Variants in MROH9 observed in about 807,000 individuals in gnomAD.
MROH9 encodes maestro heat-like repeat-containing protein family member 9.
Under a neutral mutation model 98.2 loss-of-function variants are expected in MROH9, and 92 were observed. That is an observed-to-expected ratio of 0.94 (90% confidence interval 0.79 to 1.11). The LOEUF (loss-of-function observed/expected upper bound fraction) is 1.11. MROH9 is among the 50% of genes most tolerant of loss of function. The probability of loss-of-function intolerance (pLI) is 0.00; values close to 1 mark genes in which losing one functional copy is unlikely to be tolerated. For missense variants in MROH9, 1,057 were observed against 1,014.8 expected, an observed-to-expected ratio of 1.04 and a Z score of -0.57; for synonymous variants, 397 against 368.9, an observed-to-expected ratio of 1.08 and a Z score of -0.87.
At chr1:171,054,817 C>G (rs918296122) in intron 20 of MROH9, among the ~76,000 whole-genome samples, 1 of 152,154 alleles carries the variant, frequency 6.6e-6, no homozygotes, top group Non-Finnish European at 1.5e-5. Context: ...CACCTTACTC[C>G]TGCAAGAATG....
intron 8 of MROH9, among the ~76,000 whole-genome samples, chr1:170,975,742 G>A (rs542425047): frequency 6.6e-6 from 1 of 152,138 alleles, no homozygotes; most frequent in Non-Finnish European, 1.5e-5. Flanking sequence ...CTATTATTGT[G>A]TGGGATGCTG....
chr1:170,942,402 CACACA>C (rs1649157206), intron 1 of MROH9, among the ~76,000 whole-genome samples: 1 of 133,622 alleles, frequency 7.5e-6, no homozygotes, highest in African/African-American at 2.6e-5. Flanking sequence ...CACACACACA[CACACA>C]CACCCTCAGA....
chr1:170,952,638 A>G (rs1649601430), intron 3 of MROH9, among the ~76,000 whole-genome samples: 1 of 151,614 alleles, frequency 6.6e-6, no homozygotes, highest in South Asian at 2.1e-4. Context: ...ATTAGGAGAT[A>G]TACCTAATGT....
Position 171,022,364 on chromosome 1 carries a change from T to C in MROH9, c.1909-2031T>C, listed in dbSNP as rs146455108. Among the ~76,000 whole-genome samples, 888 of 152,280 alleles carry C rather than the reference T, an allele frequency of 5.8e-3. 1 individual carries two copies. Among genetic ancestry groups the C allele is most frequent in the Non-Finnish European group, 8.3e-3 (564 of 68,006 alleles). ...AACCAACCCAAATGCCCATCAATGT[T>C]AGACTGGATAAAGAAAATGTGGTAT... is the stretch of plus-strand genomic sequence containing the variant. On this transcript the variant is annotated intron_variant, in intron 17 of 21. Coordinates refer to ENST00000367759, the MANE Select transcript of MROH9 (RefSeq NM_001163629.2).
Position 170,992,310 on chromosome 1 carries a change from C to G in MROH9, c.1175C>G (p.Thr392Ser). 1.9e-6 allele frequency: 3 copies of G among 1,613,112 alleles called. No homozygotes were observed. The highest frequency in any genetic ancestry group is 4.5e-5 in the East Asian group (2 of 44,854). The change falls in exon 12 of 22, where the codon ACC becomes AGC. Residue 392 changes from threonine (T) to serine (S), a missense_variant. By Grantham distance (58) the Thr-to-Ser change is moderately conservative. Transcript: ENST00000367759. ...TEGKRFSLDI[T>S]NLMPLAACQA... ...GGGAAACGTTTCTCTCTTGATATTA[C>G]CAACTTGATGCCTTTGGCGGTAAAT...
rs559946471 is a variant in MROH9 at position 170,954,514 on chromosome 1, C to T, written c.73-3947C>T. ...GCTTTTATTTTCTTTGGATAAATAC[C>T]CATAAATAGGATTGCTGAATCATAT... On this transcript the variant is annotated intron_variant, in intron 3 of 21. Transcript: ENST00000367759. Among the ~76,000 whole-genome samples the T allele has an allele frequency of 2.6e-5, 4 of 151,886 alleles. No homozygotes were observed. The South Asian group carries it at 8.3e-4, about 32-fold the overall frequency.
chr1:170,986,036 G>C (rs879359775), intron 9 of MROH9, among the ~76,000 whole-genome samples: 3 of 151,910 alleles, frequency 2.0e-5, no homozygotes, highest in Non-Finnish European at 4.4e-5. Context: ...ATGTGAGTTT[G>C]TTCAAATTTT....
intron 20 of MROH9, among the ~76,000 whole-genome samples, chr1:171,051,827 A>G (rs766595352): frequency 5.9e-5 from 9 of 152,126 alleles, no homozygotes; most frequent in Non-Finnish European, 1.0e-4. Flanking sequence ...TCTGTTTTGT[A>G]CCCTTGCCAT....
chr1:171,027,252 T>C (rs1652745383), intron 20 of MROH9, among the ~76,000 whole-genome samples: 1 of 152,208 alleles, frequency 6.6e-6, no homozygotes, highest in Non-Finnish European at 1.5e-5. Context: ...CCCCTCCCTT[T>C]GTCCATGTGT....
chr1:170,991,251 G>T (rs1050632594), intron 11 of MROH9, among the ~76,000 whole-genome samples: 8 of 152,108 alleles, frequency 5.3e-5, no homozygotes, highest in African/African-American at 1.7e-4. Flanking sequence ...GATTTGGAGT[G>T]AAACTAAACC....
intron 7 of MROH9, among the ~76,000 whole-genome samples, chr1:170,965,606 G>C (rs1227621272): frequency 6.6e-6 from 1 of 151,956 alleles, no homozygotes; most frequent in African/African-American, 2.4e-5. Flanking sequence ...AAAATAATTT[G>C]AAAGCTGTTA....
At chr1:170,993,600 A>T (rs1373534495) in intron 12 of MROH9, among the ~76,000 whole-genome samples, 1 of 152,194 alleles carries the variant, frequency 6.6e-6, no homozygotes, top group African/African-American at 2.4e-5. Flanking sequence ...AGACGGGAAA[A>T]TTTAACAGGG....
At chr1:170,982,616 A>G (rs1213448064) in intron 8 of MROH9, among the ~76,000 whole-genome samples, 2 of 152,222 alleles carry the variant, frequency 1.3e-5, no homozygotes, top group Non-Finnish European at 2.9e-5. Flanking sequence ...TGGGCTGGGC[A>G]TGGTGGCTCA....
At chr1:170,998,529 T>G in intron 15 of MROH9, 2 of 1,426,828 alleles carry the variant, frequency 1.4e-6, no homozygotes, top group Non-Finnish European at 1.8e-6. Context: ...CAAAAACTAA[T>G]TATTTTTTAG....
intron 16 of MROH9, 119 bp downstream of exon 16, chr1:171,014,373 CAT>C: frequency 1.2e-6 from 1 of 862,672 alleles, no homozygotes; most frequent in Non-Finnish European, 1.7e-6. Flanking sequence ...ATAACTAAAA[CAT>C]ATCAAAGCCT....
At chr1:171,022,356 A>G (rs1355312313) in intron 17 of MROH9, among the ~76,000 whole-genome samples, 1 of 152,216 alleles carries the variant, frequency 6.6e-6, no homozygotes, top group Non-Finnish European at 1.5e-5. Flanking sequence ...CCAAATGCCC[A>G]TCAATGTTAG....
chr1:171,008,445 T>A (rs1400687690), intron 15 of MROH9, among the ~76,000 whole-genome samples: 1 of 152,236 alleles, frequency 6.6e-6, no homozygotes, highest in Non-Finnish European at 1.5e-5. Context: ...GTATGAGATT[T>A]ACATTCAATT....
At chr1:171,011,475 G>T (rs185373601) in intron 15 of MROH9, among the ~76,000 whole-genome samples, 5 of 152,154 alleles carry the variant, frequency 3.3e-5, no homozygotes, top group Admixed American at 6.5e-5. Flanking sequence ...CTATTTCAAT[G>T]ATCTAGTTTT....
intron 2 of MROH9, among the ~76,000 whole-genome samples, chr1:170,946,982 T>G (rs1463199608): frequency 6.6e-6 from 1 of 151,950 alleles, no homozygotes; most frequent in African/African-American, 2.4e-5. Flanking sequence ...TAAATAATAT[T>G]TGATGGTCCT....
Sources: allele counts gnomAD v4.1 joint callset (sites outside exome capture counted in the v4.1 genomes callset), GRCh38; gene constraint gnomAD v4.1.1; transcripts MANE v1.5; gene names NCBI Gene and HGNC (gene_info 2026-07-23, HGNC 2026-07-21).